The following POLN variants were observed in gnomAD, a reference collection of about 807,000 sequenced individuals.
POLN encodes the protein DNA polymerase N.
A neutral mutation model predicts 113.5 loss-of-function variants in POLN; 108 were observed. The observed-to-expected ratio is 0.95, with a 90% CI of 0.81 to 1.12. POLN has a LOEUF of 1.12. Among genes scored for constraint, POLN ranks in the 50% most tolerant of loss-of-function variants. The pLI is 0.00. For missense variants in POLN, 1,097 were observed against 1,077.1 expected (o/e 1.02, Z -0.26); for synonymous variants, 386 against 391.5 (o/e 0.99, Z 0.17).
At chr4:2,072,839 G>A (rs1444524230) in intron 25 of POLN, 129 bp downstream of exon 25, 1 of 947,508 alleles carries the variant, frequency 1.1e-6, no homozygotes, top group East Asian at 2.5e-5. Flanking sequence ...CTCCACGGCT[G>A]TGCCTGCTGT....
At chr4:2,111,867 C>T (rs1359600691) in intron 19 of POLN, among the ~76,000 whole-genome samples, 2 of 152,206 alleles carry the variant, frequency 1.3e-5, no homozygotes, top group African/African-American at 4.8e-5. Context: ...CAATGACTTT[C>T]TTCACAGAAT....
At chr4:2,182,728 G>C (rs985030290) in intron 7 of POLN, among the ~76,000 whole-genome samples, 1 of 151,650 alleles carries the variant, frequency 6.6e-6, no homozygotes, top group Non-Finnish European at 1.5e-5. Context: ...GAAAAAAAAT[G>C]AGTAAATCTT....
intron 3 of POLN, among the ~76,000 whole-genome samples, chr4:2,223,354 G>A (rs143200022): frequency 6.6e-6 from 1 of 152,114 alleles, no homozygotes; most frequent in African/African-American, 2.4e-5. Flanking sequence ...CCTGAGTTCC[G>A]CCTCCTGTCA....
chr4:2,087,367 C>A lies in POLN; in HGVS notation c.2066-1623G>T, dbSNP rs118046683. Among the ~76,000 whole-genome samples the A allele has an allele frequency of 1.7e-4, 26 of 152,330 alleles. No homozygotes were observed. The East Asian group carries it at 4.6e-3, about 27-fold the overall frequency. The stretch of plus-strand genomic sequence containing the variant: ...TCCTCACCTAGTGCCTCAGCTATGG[C>A]ACTGCAATGGAAAATTCCATTGGCT... On this transcript the variant is annotated intron_variant, in intron 20 of 25. Coordinates refer to ENST00000511885, the MANE Select transcript of POLN (RefSeq NM_181808.4).
At chr4:2,148,283 C>T (rs532906570) in intron 16 of POLN, among the ~76,000 whole-genome samples, 2 of 152,080 alleles carry the variant, frequency 1.3e-5, no homozygotes, top group African/African-American at 4.8e-5. Flanking sequence ...GAGCTATGGA[C>T]AAATTCAGTG....
At chr4:2,206,354 C>A (rs1181586205) in intron 5 of POLN, among the ~76,000 whole-genome samples, 2 of 152,154 alleles carry the variant, frequency 1.3e-5, no homozygotes, top group African/African-American at 4.8e-5. Flanking sequence ...ATTTCATGAC[C>A]AAGAACCCAA....
In POLN at chr4:2,085,762, G is replaced by A. The variant is rs747217632; in HGVS notation, c.2066-18C>T. 4.3e-6 allele frequency: 7 copies of A among 1,612,292 alleles called. No individual in the cohort carries two copies. In the South Asian group the frequency reaches 4.4e-5, roughly 10 times the overall value. On this transcript the variant is annotated intron_variant, in intron 20 of 25. Transcript: ENST00000511885. Reference sequence around the variant, plus strand: ...CTCCTTCCCTGTCAGTCAGAGAGACGCATGTCAAAGCCTCACTCACACCAG... The same window carrying A: ...CTCCTTCCCTGTCAGTCAGAGAGACACATGTCAAAGCCTCACTCACACCAG...
chr4:2,192,327 G>T (rs1037286099), intron 7 of POLN, among the ~76,000 whole-genome samples: 1 of 151,834 alleles, frequency 6.6e-6, no homozygotes, highest in Non-Finnish European at 1.5e-5. Flanking sequence ...TGCTATATTT[G>T]TTTTACCACT....
chr4:2,156,334 G>C, intron 16 of POLN: 6 of 416,722 alleles, frequency 1.4e-5, no homozygotes, highest in South Asian at 1.0e-4. Flanking sequence ...AGTGCTTTAA[G>C]TGTGATGCAA....
chr4:2,074,521 G>C (rs2108686035), intron 24 of POLN, among the ~76,000 whole-genome samples: 1 of 152,314 alleles, frequency 6.6e-6, no homozygotes, highest in African/African-American at 2.4e-5. Flanking sequence ...GTCACGTAAG[G>C]TGGGTGTGTT....
At chr4:2,181,317 GT>G (rs560976709) in intron 7 of POLN, among the ~76,000 whole-genome samples, 15 of 151,360 alleles carry the variant, frequency 9.9e-5, no homozygotes, top group African/African-American at 3.4e-4. Context: ...GCTAATTTTT[GT>G]TTTTTTTAGT....
chr4:2,177,759 G>A (rs890517852), intron 8 of POLN, among the ~76,000 whole-genome samples: 1 of 152,270 alleles, frequency 6.6e-6, no homozygotes, highest in African/African-American at 2.4e-5. Flanking sequence ...CTGACGGCAT[G>A]AAGTGTGGGT....
chr4:2,114,978 T>A (rs1379039517), intron 19 of POLN, among the ~76,000 whole-genome samples: 3 of 151,880 alleles, frequency 2.0e-5, no homozygotes, highest in Non-Finnish European at 2.9e-5. Flanking sequence ...TATTGGCCTG[T>A]CTTCAGGTTC....
Position 2,204,915 on chromosome 4 carries a change from A to C in POLN, c.714+3072T>G, listed in dbSNP as rs115139204. 2.7e-4 allele frequency among the ~76,000 whole-genome samples: 41 copies of C among 152,328 alleles called. No individual in the cohort carries two copies. In the East Asian group the frequency reaches 6.2e-3, roughly 23 times the overall value. ...TTGCTTTATTATTAAAACTCTCAGC[A>C]CAATTGGCATACAAGGGACATATCT... On this transcript the variant is annotated intron_variant, in intron 5 of 25. Coordinates refer to ENST00000511885, the MANE Select transcript of POLN (RefSeq NM_181808.4).
chr4:2,107,799 T>C (rs61545396), intron 19 of POLN, among the ~76,000 whole-genome samples: 16,990 of 152,046 alleles, frequency 0.11, 3,196 homozygotes, highest in African/African-American at 0.39. Context: ...CAGGGAAAAC[T>C]GCCGCTGGGG....
At chr4:2,201,277 C>CAAAAAAAAAAAAAAAAAA (rs35399602) in intron 5 of POLN, among the ~76,000 whole-genome samples, 1 of 15,834 alleles carries the variant, frequency 6.3e-5, no homozygotes, top group African/African-American at 4.8e-4. Flanking sequence ...CCTACCACTC[C>CAAAAAAAAAAAAAAAAAA]AAAAAAAAAA....
chr4:2,091,234 T>C (rs943220103), intron 20 of POLN, among the ~76,000 whole-genome samples: 1 of 152,210 alleles, frequency 6.6e-6, no homozygotes, highest in African/African-American at 2.4e-5. Context: ...TAACCAGAAG[T>C]CATGCCTTGC....
chr4:2,081,553 G>A (rs1305311081), intron 22 of POLN, 80 bp downstream of exon 22: 1 of 1,353,054 alleles, frequency 7.4e-7, no homozygotes, highest in South Asian at 1.2e-5. Flanking sequence ...ACAGTGATCG[G>A]TGGGTGCCAC....
At chr4:2,149,139 C>G (rs1732227018) in intron 16 of POLN, among the ~76,000 whole-genome samples, 1 of 151,842 alleles carries the variant, frequency 6.6e-6, no homozygotes, top group Non-Finnish European at 1.5e-5. Context: ...ACAAAAAATA[C>G]AAAAATTAGC....
Sources: allele counts gnomAD v4.1 joint callset (sites outside exome capture counted in the v4.1 genomes callset), GRCh38; gene constraint gnomAD v4.1.1; transcripts MANE v1.5; gene names NCBI Gene and HGNC (gene_info 2026-07-23, HGNC 2026-07-21).